DPP10: variants seen among roughly 807,000 people sequenced by gnomAD.
DPP10 encodes dipeptidyl peptidase like 10.
Under a neutral mutation model 120.9 loss-of-function variants are expected in DPP10, and 33 were observed. The ratio of observed to expected loss-of-function variants is 0.27; its 90% CI spans 0.21 to 0.37. DPP10 has a LOEUF of 0.37. Ranked by LOEUF, DPP10 falls within the 10% of genes least tolerant of loss-of-function variation. The pLI is 1.00. For synonymous variants in DPP10, 337 were observed against 326.1 expected (o/e 1.03, Z -0.36); for missense variants, 816 against 942.8 (o/e 0.87, Z 1.76).
intron 2 of DPP10, among the ~76,000 whole-genome samples, chr2:115,315,820 A>G (rs1212848897): frequency 2.6e-5 from 4 of 152,162 alleles, no homozygotes; most frequent in African/African-American, 9.7e-5. Flanking sequence ...ACAATGACAG[A>G]TTCTAACAGT....
At chr2:115,035,103 A>T (rs994398343) in intron 1 of DPP10, among the ~76,000 whole-genome samples, 2 of 152,160 alleles carry the variant, frequency 1.3e-5, no homozygotes, top group Non-Finnish European at 2.9e-5. Flanking sequence ...CTGCTTCTCA[A>T]CCCTAAGACT....
intron 5 of DPP10, among the ~76,000 whole-genome samples, chr2:115,551,728 CTATT>C (rs887211294): frequency 1.3e-5 from 2 of 152,014 alleles, no homozygotes; most frequent in African/African-American, 2.4e-5. Flanking sequence ...TCCAATGTAT[CTATT>C]TGTATATATA....
At chr2:115,191,642 G>T (rs968279070) in intron 1 of DPP10, among the ~76,000 whole-genome samples, 6 of 152,208 alleles carry the variant, frequency 3.9e-5, no homozygotes, top group Non-Finnish European at 8.8e-5. Flanking sequence ...TGACTTGGGA[G>T]GGGGCGGCGC....
intron 1 of DPP10, among the ~76,000 whole-genome samples, chr2:114,717,627 T>C (rs761198817): frequency 3.3e-5 from 5 of 152,210 alleles, no homozygotes; most frequent in Non-Finnish European, 5.9e-5. Context: ...TTTTAGATAC[T>C]TGATGTTGCT....
chr2:115,701,351 T>C (rs1198957491), intron 7 of DPP10, among the ~76,000 whole-genome samples: 1 of 152,070 alleles, frequency 6.6e-6, no homozygotes, highest in East Asian at 1.9e-4. Flanking sequence ...GACTATCTTT[T>C]TTAAACAACT....
intron 1 of DPP10, among the ~76,000 whole-genome samples, chr2:114,698,823 T>C (rs1311784015): frequency 6.6e-6 from 1 of 152,074 alleles, no homozygotes; most frequent in African/African-American, 2.4e-5. Context: ...TGCATTCAAA[T>C]GAATAAAAAC....
chr2:114,642,943 G>A (rs1695820023), intron 1 of DPP10, among the ~76,000 whole-genome samples: 1 of 151,810 alleles, frequency 6.6e-6, no homozygotes, highest in Non-Finnish European at 1.5e-5. Flanking sequence ...GTTGTTAATA[G>A]GTCCATTGGT....
intron 1 of DPP10, among the ~76,000 whole-genome samples, chr2:114,951,422 G>C (rs1323996565): frequency 1.3e-5 from 2 of 152,010 alleles, no homozygotes; most frequent in Non-Finnish European, 2.9e-5. Flanking sequence ...CTCTATGCTT[G>C]GTAAATAAAG....
intron 5 of DPP10, among the ~76,000 whole-genome samples, chr2:115,614,283 T>G (rs1358748437): frequency 6.6e-6 from 1 of 152,180 alleles, no homozygotes; most frequent in Non-Finnish European, 1.5e-5. Flanking sequence ...CAGAGTTAGC[T>G]CCGTACATTG....
chr2:115,586,821 A>G (rs2082316891), intron 5 of DPP10, among the ~76,000 whole-genome samples: 1 of 152,152 alleles, frequency 6.6e-6, no homozygotes, highest in African/African-American at 2.4e-5. Context: ...CACTGTTCTC[A>G]TAAGGAACTT....
chr2:115,447,760 T>A (rs2072742526), intron 3 of DPP10, among the ~76,000 whole-genome samples: 1 of 152,216 alleles, frequency 6.6e-6, no homozygotes, highest in Non-Finnish European at 1.5e-5. Flanking sequence ...TGCAGAACTC[T>A]GCGTCAATTA....
intron 4 of DPP10, among the ~76,000 whole-genome samples, chr2:115,522,596 G>GAA (rs2077881704): frequency 1.3e-5 from 2 of 152,060 alleles, no homozygotes; most frequent in Non-Finnish European, 2.9e-5. Flanking sequence ...CTGCATATTT[G>GAA]CTTTACTCTG....
At chr2:115,526,788 G>A (rs1281393122) in intron 5 of DPP10, among the ~76,000 whole-genome samples, 5 of 152,040 alleles carry the variant, frequency 3.3e-5, no homozygotes, top group South Asian at 2.1e-4. Context: ...TTCACAGTTC[G>A]AAAGAACTGC....
chr2:114,801,262 CA>C (rs1174819592), intron 1 of DPP10, among the ~76,000 whole-genome samples: 710 of 59,672 alleles, frequency 0.012, 10 homozygotes, highest in Middle Eastern at 0.092. Context: ...GACTCTGTAT[CA>C]AAAAAAAAAA....
At chr2:115,415,998 A>G (rs2069394539) in intron 3 of DPP10, among the ~76,000 whole-genome samples, 1 of 151,672 alleles carries the variant, frequency 6.6e-6, no homozygotes, top group Admixed American at 6.6e-5. Context: ...AGAACTCCAA[A>G]AATAATCAGT....
intron 1 of DPP10, among the ~76,000 whole-genome samples, chr2:114,917,146 C>A (rs1204980110): frequency 1.3e-5 from 2 of 152,122 alleles, no homozygotes; most frequent in African/African-American, 4.8e-5. Context: ...TCAATACATG[C>A]AAATCAGGAG....
intron 1 of DPP10, among the ~76,000 whole-genome samples, chr2:114,682,188 C>T (rs1699069359): frequency 6.6e-6 from 1 of 151,936 alleles, no homozygotes; most frequent in Admixed American, 6.6e-5. Context: ...CTCTCTCTCC[C>T]CATCCTCTCT....
chr2:115,771,551 T>A (rs1273572239), intron 13 of DPP10, among the ~76,000 whole-genome samples: 5 of 152,362 alleles, frequency 3.3e-5, no homozygotes, highest in Non-Finnish European at 5.9e-5. Context: ...ACGAATGTAT[T>A]TGTTTAGGTT....
chr2:114,453,989 A>G (rs1158448053), intron 1 of DPP10, among the ~76,000 whole-genome samples: 2 of 152,106 alleles, frequency 1.3e-5, no homozygotes, highest in African/African-American at 4.8e-5. Flanking sequence ...CTTGCTTGGG[A>G]TGAAGGAGAA....
Sources: gnomAD v4.1 joint callset for allele counts (sites outside exome capture counted in the v4.1 genomes callset) on GRCh38, gnomAD v4.1.1 for gene constraint, MANE v1.5 for transcripts, NCBI Gene and HGNC (gene_info 2026-07-23, HGNC 2026-07-21) for gene names.